The following NAPA variants were observed in gnomAD, a reference collection of about 807,000 sequenced individuals.
The protein encoded by NAPA is NSF attachment protein alpha.
A neutral mutation model predicts 48.0 loss-of-function variants in NAPA; 18 were observed. That is an observed-to-expected ratio of 0.38 (90% CI 0.26 to 0.56). The LOEUF (loss-of-function observed/expected upper bound fraction) is 0.56, where lower values mean the gene tolerates loss of function less well. NAPA is among the 20% of genes least tolerant of loss of function. The probability of loss-of-function intolerance (pLI) is 0.77; values close to 1 mark genes in which losing one functional copy is unlikely to be tolerated. For synonymous variants in NAPA, 152 were observed against 149.9 expected (o/e 1.01, Z -0.10); for missense variants, 315 against 385.0 (o/e 0.82, Z 1.52).
rs1221066472 is a variant in NAPA, at chr19:47,493,386, C to T, written c.420+30G>A. On this transcript the variant is annotated intron_variant, in intron 5 of 10. Transcript: ENST00000263354. This position sits in a 1 kb window ranked among gnomAD's most constrained non-coding sequence, Gnocchi z 6.4. The stretch of plus-strand genomic sequence containing the variant: ...AGAGAGCAGCACTGGTCCTGGCTGC[C>T]AGCCCATGCAGGGCCCTGCTGCCAC... 1 of 1,610,274 alleles carries T rather than the reference C, an allele frequency of 6.2e-7. No individual in the cohort carries two copies. Among genetic ancestry groups the T allele is most frequent in the Non-Finnish European group, 8.5e-7 (1 of 1,176,772 alleles).
At position 47,500,742 on chromosome 19, in the gene NAPA, T is replaced by G; in HGVS notation, c.186A>C (p.Gly62=). The change falls in exon 3 of 11, where the codon GGA becomes GGC. Residue 62 remains glycine (G), a synonymous_variant. Transcript: ENST00000263354. ...GCTGTGCAGCCTGGCAGAACGCGTT[T>G]CCAGCAGCTGGAACAGAAGAGAAGG... The part of the protein sequence containing the change: ...FKMAKNWSAA[G]NAFCQAAQLH... 1 of 1,604,438 alleles carries G rather than the reference T, an allele frequency of 6.2e-7. No homozygotes were observed. Among genetic ancestry groups the G allele is most frequent in the Non-Finnish European group, 8.5e-7 (1 of 1,175,314 alleles).
rs1159491849 is a variant in NAPA, at chr19:47,493,564, C to T, written c.343-71G>A. On this transcript the variant is annotated intron_variant, in intron 4 of 10. Transcript: ENST00000263354. The surrounding 1 kb of genome is among the most constrained non-coding windows in gnomAD (Gnocchi z 6.4). The stretch of plus-strand genomic sequence containing the variant: ...GCGTGCCTGCCTGCTGACCTATGAC[C>T]CTTCAAGTTCCCACCCCTCAGCCAC... 5 of 1,356,780 alleles carry T rather than the reference C, an allele frequency of 3.7e-6. No individual in the cohort carries two copies. The East Asian group carries it at 6.9e-5, about 19-fold the overall frequency. 84.0% of individuals were successfully genotyped at this position (1,356,780 alleles called of 1,614,324 possible).
chr19:47,490,284 A>G (rs529961653), intron 9 of NAPA, among the ~76,000 whole-genome samples: 2 of 119,538 alleles, frequency 1.7e-5, no homozygotes, highest in East Asian at 5.0e-4. Flanking sequence ...GTACTGTGCA[A>G]TGTGTTTTGT....
At chr19:47,499,605 A>G (rs1469791203) in intron 3 of NAPA, among the ~76,000 whole-genome samples, 2 of 152,266 alleles carry the variant, frequency 1.3e-5, no homozygotes, top group African/African-American at 4.8e-5. Flanking sequence ...ACTGAGGCCA[A>G]CGCATGAGAT....
intron 1 of NAPA, among the ~76,000 whole-genome samples, chr19:47,511,028 GCA>G (rs1264572970): frequency 6.6e-6 from 1 of 152,234 alleles, no homozygotes; most frequent in Non-Finnish European, 1.5e-5. Flanking sequence ...GCAGGCGACA[GCA>G]CAGACACCCA....
downstream of NAPA, among the ~76,000 whole-genome samples, chr19:47,485,702 A>G (rs1968052767): frequency 6.6e-6 from 1 of 152,226 alleles, no homozygotes; most frequent in African/African-American, 2.4e-5. Flanking sequence ...CATGATGGAA[A>G]GTTCTCAAAG....
At position 47,488,561 on chromosome 19, in the gene NAPA, T is replaced by A. The variant is rs1968145610; in HGVS notation, c.787-172A>T. On this transcript the variant is annotated intron_variant, in intron 10 of 10. Transcript: ENST00000263354. ...TCAGCCATGGGAGCTCCCTCTTGTC[T>A]GTCTTGACTATGCTGGGCACATCAT... 14 of 518,946 alleles carry A rather than the reference T, an allele frequency of 2.7e-5. No individual in the cohort carries two copies. The South Asian group carries it at 3.3e-4, about 12-fold the overall frequency. The allele number at this position is 518,946 out of a possible 1,614,324, so 32.1% of individuals were successfully genotyped here.
Position 47,490,759 on chromosome 19 carries a change from AG to A in NAPA, c.735+28del. On this transcript the variant is annotated intron_variant, in intron 9 of 10. Coordinates refer to ENST00000263354, the MANE Select transcript of NAPA (RefSeq NM_003827.4). ...AGCCACCCCCGTCTGAGGTTCGGGA[AG>A]GGGGAGGCCGGAGCACCCAGCACTT... 3 of 1,607,174 alleles carry A rather than the reference AG, an allele frequency of 1.9e-6. No individual in the cohort carries two copies. In the African/African-American group the frequency reaches 4.0e-5, roughly 21 times the overall value.
At chr19:47,510,091 GTT>G (rs1281471354) in intron 1 of NAPA, among the ~76,000 whole-genome samples, 1 of 152,244 alleles carries the variant, frequency 6.6e-6, no homozygotes, top group African/African-American at 2.4e-5. Context: ...GAGATGCCAA[GTT>G]TTCAGTTGTG....
Position 47,493,748 on chromosome 19 carries a change from T to G in NAPA, c.343-255A>C. ...AAGCCACTCCAGGGCCTTAGCCTAA[T>G]TCCATCCCATCCACGAGGGCACAGA... On this transcript the variant is annotated intron_variant, in intron 4 of 10. Coordinates refer to ENST00000263354, the MANE Select transcript of NAPA (RefSeq NM_003827.4). This position sits in a 1 kb window ranked among gnomAD's most constrained non-coding sequence, Gnocchi z 6.4. The G allele has an allele frequency of 2.0e-6, 1 of 493,542 alleles. No homozygotes were observed. 30.6% of individuals were successfully genotyped at this position (493,542 alleles called of 1,614,324 possible). A position where few individuals can be genotyped will look rare whatever the true frequency, so the allele number is the denominator to read the frequency against.
At chr19:47,497,644 T>G (rs956549455) in intron 3 of NAPA, 1 of 152,410 alleles carries the variant, frequency 6.6e-6, no homozygotes. Flanking sequence ...ACAGCCCAAG[T>G]TGGGGAGCTA....
chr19:47,492,080 T>C lies in NAPA; in HGVS notation c.601A>G (p.Ser201Gly). ...GCCTTGAAGAAGTAGTCTTTGGCGC[T>C]GTACTTGAGGAGGGGGCTGTCCATG... ...NAMDSPLLKY[S>G]AKDYFFKAAL... Residue 201 changes from serine (S) to glycine (G), a missense_variant, in exon 8 of 11, where the codon AGC becomes GGC. Physicochemically the swap from Ser to Gly is moderately conservative, Grantham distance 56 (BLOSUM62 0). Transcript: ENST00000263354. 6.2e-7 allele frequency: 1 copy of C among 1,614,082 alleles called. No homozygotes were observed. The highest frequency in any genetic ancestry group is 8.5e-7 in the Non-Finnish European group (1 of 1,179,974).
chr19:47,514,889 C>G lies in NAPA; in HGVS notation c.52G>C (p.Glu18Gln). Reference protein sequence around the residue: ...AEAMALLAEAERKVKNSQSFF... With the variant: ...AEAMALLAEAQRKVKNSQSFF... ...GACTGCGAGTTCTTCACTTTGCGCT[C>G]CGCCTCGGCCAACAGCGCCATCGCC... The change falls in exon 1 of 11, where the codon GAG (glutamate) becomes CAG (glutamine). Residue 18 changes from glutamate to glutamine, a missense_variant. Transcript: ENST00000263354. 6.2e-7 allele frequency: 1 copy of G among 1,614,062 alleles called. No homozygotes were observed. The highest frequency in any genetic ancestry group is 8.5e-7 in the Non-Finnish European group (1 of 1,180,012).
chr19:47,500,545 A>T, intron 3 of NAPA, 88 bp downstream of exon 3: 13 of 1,130,168 alleles, frequency 1.2e-5, no homozygotes, highest in Non-Finnish European at 1.6e-5. Context: ...TGGAAAAACC[A>T]GAGCCGCCAG....
At chr19:47,489,302 A>G (rs368123716) in intron 10 of NAPA, 3 of 198,990 alleles carry the variant, frequency 1.5e-5, no homozygotes, top group Non-Finnish European at 3.1e-5. Context: ...CACCTCTCCC[A>G]TGTCCTCAGC....
intron 8 of NAPA, 57 bp from the exon 9 acceptor site, chr19:47,490,913 TG>T: frequency 6.6e-7 from 1 of 1,507,160 alleles, no homozygotes; most frequent in Non-Finnish European, 9.2e-7. Flanking sequence ...TCAGAGCTAC[TG>T]GCCTAGCAGC....
chr19:47,494,113 C>G (rs1009953790), intron 4 of NAPA, among the ~76,000 whole-genome samples: 1 of 152,286 alleles, frequency 6.6e-6, no homozygotes, highest in Non-Finnish European at 1.5e-5. Context: ...AACGCCACCC[C>G]CTTGCTGAGG....
intron 10 of NAPA, 145 bp from the exon 11 acceptor site, chr19:47,488,534 A>T (rs1356896727): frequency 3.5e-6 from 2 of 567,796 alleles, no homozygotes; most frequent in Non-Finnish European, 6.3e-6. Context: ...TGAGGCCCCA[A>T]CTCAGCCATG....
intron 4 of NAPA, chr19:47,495,173 T>C (rs1968387896): frequency 3.7e-6 from 1 of 267,394 alleles, no homozygotes; most frequent in Non-Finnish European, 7.3e-6. Context: ...GGCTAATTTG[T>C]TGTAGAGAGG....
Sources: gnomAD v4.1 joint callset for allele counts (sites outside exome capture counted in the v4.1 genomes callset) on GRCh38, gnomAD v4.1.1 for gene constraint, Gnocchi (gnomAD v3.1) non-coding constraint, MANE v1.5 for transcripts, NCBI Gene and HGNC (gene_info 2026-07-23, HGNC 2026-07-21) for gene names.